Variants in RIMS2 observed in about 807,000 individuals in gnomAD.
RIMS2 encodes regulating synaptic membrane exocytosis 2, also known as regulating synaptic membrane exocytosis protein 2.
Under a neutral mutation model 174.4 loss-of-function variants are expected in RIMS2, and 59 were observed. The ratio of observed to expected loss-of-function variants is 0.34; its 90% CI spans 0.27 to 0.42. The LOEUF (loss-of-function observed/expected upper bound fraction) is 0.42. RIMS2 is among the 10% of genes least tolerant of loss of function. The probability of loss-of-function intolerance (pLI) is 1.00; values close to 1 mark genes in which losing one functional copy is unlikely to be tolerated. For missense variants in RIMS2, 1,620 were observed against 1,666.3 expected (o/e 0.97, Z 0.48); for synonymous variants, 606 against 572.5 (o/e 1.06, Z -0.84).
intron 3 of RIMS2, among the ~76,000 whole-genome samples, chr8:103,832,278 T>C (rs1479428729): frequency 1.3e-5 from 2 of 152,196 alleles, no homozygotes; most frequent in Non-Finnish European, 2.9e-5. Flanking sequence ...AATATAATTA[T>C]TGATATATTT....
At chr8:103,547,822 G>A (rs1845810962) in intron 1 of RIMS2, among the ~76,000 whole-genome samples, 1 of 152,008 alleles carries the variant, frequency 6.6e-6, no homozygotes, top group East Asian at 1.9e-4. Flanking sequence ...AAATAACAAA[G>A]CACATATTAC....
intron 1 of RIMS2, 63 bp downstream of exon 3, chr8:103,652,773 T>C (rs2096475386): frequency 4.0e-6 from 4 of 1,010,006 alleles, no homozygotes; most frequent in African/African-American, 3.3e-5. Flanking sequence ...CTGAAAAGTA[T>C]GTGTTAAAAT....
At chr8:104,038,515 C>G (rs1022309833) in intron 19 of RIMS2, among the ~76,000 whole-genome samples, 1 of 151,808 alleles carries the variant, frequency 6.6e-6, no homozygotes, top group Non-Finnish European at 1.5e-5. Context: ...AAAGAGTTCT[C>G]ATTAGAACCC....
chr8:104,101,639 T>C (rs1346473083), intron 19 of RIMS2, among the ~76,000 whole-genome samples: 3 of 152,178 alleles, frequency 2.0e-5, no homozygotes, highest in African/African-American at 7.2e-5. Context: ...TTGTCTCATA[T>C]AGTTACCTTT....
At chr8:104,173,717 C>A in intron 19 of RIMS2, among the ~76,000 whole-genome samples, 1 of 138,914 alleles carries the variant, frequency 7.2e-6, no homozygotes, top group East Asian at 2.3e-4. Flanking sequence ...CAAGCTCCAC[C>A]TCCCGGGTTC....
intron 14 of RIMS2, among the ~76,000 whole-genome samples, chr8:103,956,187 A>C (rs2087140882): frequency 6.6e-6 from 1 of 152,226 alleles, no homozygotes; most frequent in Non-Finnish European, 1.5e-5. Context: ...AAAGTAATTT[A>C]TACATTTAAT....
At chr8:103,965,389 C>T (rs1200399808) in intron 15 of RIMS2, among the ~76,000 whole-genome samples, 1 of 151,924 alleles carries the variant, frequency 6.6e-6, no homozygotes, top group African/African-American at 2.4e-5. Flanking sequence ...CTAAGTATTT[C>T]GTTGTTGGGA....
intron 19 of RIMS2, among the ~76,000 whole-genome samples, chr8:104,018,196 T>A (rs1226140040): frequency 6.6e-6 from 1 of 152,200 alleles, no homozygotes; most frequent in Non-Finnish European, 1.5e-5. Flanking sequence ...TACTTTTGCT[T>A]CTGCAAGTAC....
In RIMS2 at chr8:103,989,230, G is replaced by A. The variant is rs968925901; in HGVS notation, c.2928-75G>A. Reference sequence around the variant, plus strand: ...TATAGTGACTTTGTCTTTTTCTACTGTGCTTTAAAATAAACCTCGTTTCTT... The same window carrying A: ...TATAGTGACTTTGTCTTTTTCTACTATGCTTTAAAATAAACCTCGTTTCTT... On this transcript the variant is annotated intron_variant, in intron 16 of 23. Coordinates refer to ENST00000504942, the Ensembl canonical transcript of RIMS2. 131 of 890,760 alleles carry A rather than the reference G, an allele frequency of 1.5e-4. No homozygotes were observed. In the African/African-American group the frequency reaches 1.8e-3, roughly 12 times the overall value. 55.2% of individuals were successfully genotyped at this position (890,760 alleles called of 1,614,324 possible). A position where few individuals can be genotyped will look rare whatever the true frequency, so the allele number is the denominator to read the frequency against.
chr8:103,901,582 G>A (rs928611397), intron 4 of RIMS2, among the ~76,000 whole-genome samples: 4 of 152,038 alleles, frequency 2.6e-5, no homozygotes, highest in African/African-American at 9.7e-5. Flanking sequence ...TCTAGAATGT[G>A]AATTTCTTAA....
intron 2 of RIMS2, among the ~76,000 whole-genome samples, chr8:103,724,973 G>A (rs1301609060): frequency 1.3e-5 from 2 of 152,156 alleles, no homozygotes; most frequent in Non-Finnish European, 2.9e-5. Flanking sequence ...GCTATAGACA[G>A]TATGAGGTGG....
chr8:103,508,245 A>T (rs149059296), intron 1 of RIMS2, among the ~76,000 whole-genome samples: 17 of 152,210 alleles, frequency 1.1e-4, no homozygotes, highest in African/African-American at 4.1e-4. Context: ...GATAAACCAC[A>T]TGAAAATTTT....
At chr8:103,807,502 G>T (rs1001790384) in intron 3 of RIMS2, among the ~76,000 whole-genome samples, 2 of 152,116 alleles carry the variant, frequency 1.3e-5, no homozygotes, top group African/African-American at 4.8e-5. Flanking sequence ...AAATTTTGCT[G>T]TGAAGAGGAG....
downstream of RIMS2, chr8:104,255,872 C>G (rs2099366791): frequency 6.6e-6 from 1 of 152,172 alleles, no homozygotes; most frequent in Non-Finnish European, 1.5e-5. Flanking sequence ...GAACAAACAA[C>G]AAGTCTGTGC....
chr8:103,610,931 C>G (rs1262894723), intron 1 of RIMS2, among the ~76,000 whole-genome samples: 2 of 152,148 alleles, frequency 1.3e-5, no homozygotes, highest in South Asian at 2.1e-4. Flanking sequence ...TGGTAGAATT[C>G]AGGCGTGAAT....
intron 17 of RIMS2, among the ~76,000 whole-genome samples, chr8:104,005,939 G>A (rs550741617): frequency 1.3e-5 from 2 of 152,002 alleles, no homozygotes; most frequent in South Asian, 4.2e-4. Flanking sequence ...TATGTTCTAC[G>A]TAGACTGTTT....
chr8:103,986,479 G>A (rs982063783), intron 16 of RIMS2, among the ~76,000 whole-genome samples: 6 of 151,438 alleles, frequency 4.0e-5, no homozygotes, highest in Non-Finnish European at 8.8e-5. Flanking sequence ...AAAATGAGAG[G>A]TATAAATAAA....
intron 1 of RIMS2, among the ~76,000 whole-genome samples, chr8:103,575,077 T>G (rs1026552928): frequency 5.3e-5 from 8 of 152,144 alleles, no homozygotes; most frequent in African/African-American, 1.9e-4. Flanking sequence ...CCAGAATATA[T>G]AAAACTCACA....
intron 15 of RIMS2, among the ~76,000 whole-genome samples, chr8:103,963,638 C>G (rs1165671034): frequency 6.6e-6 from 1 of 152,092 alleles, no homozygotes; most frequent in East Asian, 1.9e-4. Flanking sequence ...CATAGCCTCT[C>G]CCATTATCAA....
Sources: allele counts gnomAD v4.1 joint callset (sites outside exome capture counted in the v4.1 genomes callset), GRCh38; gene constraint gnomAD v4.1.1; transcripts MANE v1.5; gene names NCBI Gene and HGNC (gene_info 2026-07-23, HGNC 2026-07-21).